Variants in FRMPD4 observed in about 807,000 individuals in gnomAD.
The protein encoded by FRMPD4 is FERM and PDZ domain-containing protein 4.
FRMPD4 carries 22 observed loss-of-function variants against 94.1 expected under a neutral mutation model. The observed-to-expected ratio is 0.23, with a 90% CI of 0.17 to 0.33. FRMPD4 has a LOEUF of 0.33. Among genes scored for constraint, FRMPD4 ranks in the 10% least tolerant of loss-of-function variants. The probability of loss-of-function intolerance (pLI) is 1.00; values close to 1 mark genes in which losing one functional copy is unlikely to be tolerated. For missense variants in FRMPD4, 1,111 were observed against 1,339.9 expected, an observed-to-expected ratio of 0.83 and a Z score of 2.67; for synonymous variants, 631 against 548.6, an observed-to-expected ratio of 1.15 and a Z score of -2.10.
intron 1 of FRMPD4, among the ~76,000 whole-genome samples, chrX:12,342,717 G>A (rs1207970432): frequency 8.9e-6 from 1 of 112,339 alleles, no homozygotes; most frequent in Non-Finnish European, 1.9e-5. Context: ...GGAGTTAAGG[G>A]TCACTTTATA....
chrX:12,484,722 C>A (rs1249809623), intron 1 of FRMPD4, among the ~76,000 whole-genome samples: 1 of 111,672 alleles, frequency 9.0e-6, no homozygotes, highest in Non-Finnish European at 1.9e-5. Flanking sequence ...AAACTGGTGG[C>A]ACATGACTTA....
chrX:12,536,679 T>C (rs1461186837), intron 2 of FRMPD4, among the ~76,000 whole-genome samples: 2 of 111,894 alleles, frequency 1.8e-5, no homozygotes, highest in Non-Finnish European at 3.8e-5. Context: ...GAAAGAAGGA[T>C]TGTTTAGTAG....
At chrX:11,979,710 A>G (rs1569136348) in intron 3 of FRMPD4, among the ~76,000 whole-genome samples, 1 of 109,511 alleles carries the variant, frequency 9.1e-6, no homozygotes. Context: ...GTGTTTTTCT[A>G]TCTAGTTGTC....
chrX:12,294,092 G>A (rs765552108), intron 1 of FRMPD4, among the ~76,000 whole-genome samples: 5 of 110,882 alleles, frequency 4.5e-5, no homozygotes, highest in African/African-American at 1.6e-4. Context: ...TCATGTCCTG[G>A]TGTCTATTAT....
intron 1 of FRMPD4, among the ~76,000 whole-genome samples, chrX:12,463,602 A>G (rs1272465094): frequency 9.2e-6 from 1 of 108,502 alleles, no homozygotes; most frequent in East Asian, 2.9e-4. Context: ...TCTATAGTGG[A>G]TCACATCTTA....
At chrX:11,889,715 G>C (rs2053864029) in intron 3 of FRMPD4, among the ~76,000 whole-genome samples, 1 of 111,965 alleles carries the variant, frequency 8.9e-6, no homozygotes, top group Non-Finnish European at 1.9e-5. Flanking sequence ...ATCATAGCAG[G>C]GGTTTCTTGT....
chrX:12,550,645 CA>C (rs946044733), intron 2 of FRMPD4, among the ~76,000 whole-genome samples: 3 of 110,178 alleles, frequency 2.7e-5, no homozygotes, highest in African/African-American at 9.9e-5. Context: ...AATGATGTAA[CA>C]AAAAAAATTG....
At chrX:12,706,644 C>CT (rs2041879699) in intron 11 of FRMPD4, among the ~76,000 whole-genome samples, 182 bp from the exon 12 acceptor site, 1 of 111,807 alleles carries the variant, frequency 8.9e-6, no homozygotes, top group South Asian at 3.7e-4. Context: ...TTTTATGTTC[C>CT]AGTCCTTCAT....
chrX:12,094,060 A>G (rs1275117556), intron 3 of FRMPD4, among the ~76,000 whole-genome samples: 1 of 112,449 alleles, frequency 8.9e-6, no homozygotes, highest in Admixed American at 9.4e-5. Context: ...TCTCATTTGC[A>G]GTGGCCATTG....
chrX:12,594,942 C>G (rs1360938853), intron 2 of FRMPD4, among the ~76,000 whole-genome samples: 1 of 111,959 alleles, frequency 8.9e-6, no homozygotes, highest in Non-Finnish European at 1.9e-5. Context: ...CAATCTGTTC[C>G]TCAACTGTAA....
chrX:12,486,515 T>C (rs187911810), intron 1 of FRMPD4, among the ~76,000 whole-genome samples: 2 of 112,619 alleles, frequency 1.8e-5, no homozygotes, highest in Non-Finnish European at 3.8e-5. Flanking sequence ...ACATTATCAT[T>C]GTCAGCTGGA....
chrX:12,479,463 T>C (rs1343377770), intron 1 of FRMPD4, among the ~76,000 whole-genome samples: 1 of 101,139 alleles, frequency 9.9e-6, no homozygotes, highest in Admixed American at 1.1e-4. Context: ...TATGTATATA[T>C]GTATATATAT....
At chrX:12,665,701 A>C (rs755136055) in intron 4 of FRMPD4, among the ~76,000 whole-genome samples, 1 of 112,078 alleles carries the variant, frequency 8.9e-6, no homozygotes, top group Non-Finnish European at 1.9e-5. Context: ...GGAGAAATAA[A>C]ATCCTCTACA....
At chrX:11,967,487 AC>A (rs2054315432) in intron 3 of FRMPD4, among the ~76,000 whole-genome samples, 1 of 112,231 alleles carries the variant, frequency 8.9e-6, no homozygotes, top group Admixed American at 9.5e-5. Flanking sequence ...TCATTGAGTA[AC>A]TTTTATTTGC....
At chrX:12,277,284 A>G (rs1352211291) in intron 1 of FRMPD4, among the ~76,000 whole-genome samples, 1 of 111,657 alleles carries the variant, frequency 9.0e-6, no homozygotes, top group African/African-American at 3.3e-5. Flanking sequence ...TTTGTAGCAA[A>G]AGACAGATTA....
intron 3 of FRMPD4, among the ~76,000 whole-genome samples, chrX:11,973,279 A>C (rs898653609): frequency 8.9e-6 from 1 of 112,432 alleles, no homozygotes; most frequent in African/African-American, 3.2e-5. Context: ...ATTTTGCTCA[A>C]ACGTGTTATA....
upstream of FRMPD4, among the ~76,000 whole-genome samples, chrX:12,137,600 C>T: frequency 9.0e-6 from 1 of 111,469 alleles, no homozygotes. Context: ...GGAGAAGAGG[C>T]CTTGAGACTT....
At chrX:11,898,786 A>G (rs1172796280) in intron 3 of FRMPD4, among the ~76,000 whole-genome samples, 2 of 112,003 alleles carry the variant, frequency 1.8e-5, no homozygotes, top group African/African-American at 6.5e-5. Flanking sequence ...TTCTGGAACT[A>G]TTTTGAAAGT....
At chrX:11,983,897 T>C (rs771589366) in intron 3 of FRMPD4, among the ~76,000 whole-genome samples, 1 of 112,605 alleles carries the variant, frequency 8.9e-6, no homozygotes, top group East Asian at 2.8e-4. Flanking sequence ...CTTTTGTAAT[T>C]GATGATACCA....
Sources: allele counts gnomAD v4.1 joint callset (sites outside exome capture counted in the v4.1 genomes callset), GRCh38; gene constraint gnomAD v4.1.1; transcripts MANE v1.5; gene names NCBI Gene and HGNC (gene_info 2026-07-23, HGNC 2026-07-21).